Variants in AATF observed in about 807,000 individuals in gnomAD.
The protein encoded by AATF is protein AATF.
Under a neutral mutation model 63.7 loss-of-function variants are expected in AATF, and 48 were observed. The observed-to-expected ratio is 0.75, with a 90% CI of 0.60 to 0.96. The LOEUF is 0.96. Ranked by LOEUF, AATF falls within the 40% of genes least tolerant of loss-of-function variation. The probability of loss-of-function intolerance (pLI) is 0.00; values close to 1 mark genes in which losing one functional copy is unlikely to be tolerated. For missense variants in AATF, 639 were observed against 685.7 expected, an observed-to-expected ratio of 0.93 and a Z score of 0.76; for synonymous variants, 258 against 247.7, an observed-to-expected ratio of 1.04 and a Z score of -0.39.
intron 8 of AATF, among the ~76,000 whole-genome samples, chr17:36,995,264 T>C (rs1382269124): frequency 3.9e-5 from 6 of 152,244 alleles, no homozygotes; most frequent in African/African-American, 1.4e-4. Context: ...CATCAGGACA[T>C]GTCTATAACT....
intron 10 of AATF, among the ~76,000 whole-genome samples, chr17:37,025,471 A>C (rs1252137256): frequency 6.6e-6 from 1 of 152,140 alleles, no homozygotes; most frequent in Non-Finnish European, 1.5e-5. Flanking sequence ...CCCATAAAGA[A>C]TGCTGAGGAA....
At chr17:36,987,172 G>A (rs1044407274) in intron 5 of AATF, among the ~76,000 whole-genome samples, 1 of 56,656 alleles carries the variant, frequency 1.8e-5, no homozygotes, top group African/African-American at 7.5e-5. Context: ...TTTTTTTTTT[G>A]TAGAGACAGG....
At chr17:36,950,120 A>G (rs1348683418) in intron 1 of AATF, 94 bp from the exon 2 acceptor site, 2 of 1,365,828 alleles carry the variant, frequency 1.5e-6, no homozygotes, top group Admixed American at 4.1e-5. Flanking sequence ...TTCGTAAAGG[A>G]CGTTCAACTA....
intron 11 of AATF, chr17:37,033,670 A>G (rs1395069685): frequency 1.3e-5 from 2 of 154,758 alleles, no homozygotes; most frequent in Non-Finnish European, 2.9e-5. Flanking sequence ...GCATAAGGAA[A>G]TGGAAGTTCA....
At chr17:37,022,012 T>C (rs1464933083) in intron 10 of AATF, among the ~76,000 whole-genome samples, 1 of 151,834 alleles carries the variant, frequency 6.6e-6, no homozygotes, top group African/African-American at 2.4e-5. Flanking sequence ...TTTAGGAAAA[T>C]CCTCCCCTGT....
chr17:37,017,392 T>C (rs1333175355), intron 8 of AATF, among the ~76,000 whole-genome samples: 1 of 152,140 alleles, frequency 6.6e-6, no homozygotes, highest in South Asian at 2.1e-4. Context: ...GAATATTGAC[T>C]AGGAACCAGA....
intron 8 of AATF, among the ~76,000 whole-genome samples, chr17:37,002,456 A>G (rs1402425928): frequency 6.6e-6 from 1 of 151,782 alleles, no homozygotes; most frequent in Non-Finnish European, 1.5e-5. Flanking sequence ...TCACAAGGTC[A>G]GGAGATTGAG....
At chr17:36,959,721 C>T (rs1220798185) in intron 4 of AATF, among the ~76,000 whole-genome samples, 1 of 152,080 alleles carries the variant, frequency 6.6e-6, no homozygotes, top group Non-Finnish European at 1.5e-5. Context: ...CTGCAGTGAG[C>T]ACCATGTTTC....
rs929458744 is a variant in AATF, at chr17:37,032,350, C to T, written c.1619+665C>T. Among the ~76,000 whole-genome samples the T allele has an allele frequency of 5.9e-5, 9 of 151,918 alleles. No homozygotes were observed. The East Asian group carries it at 1.7e-3, about 29-fold the overall frequency. On this transcript the variant is annotated intron_variant, in intron 11 of 11. Coordinates refer to ENST00000619387, the MANE Select transcript of AATF (RefSeq NM_012138.4). ...TGTTTATTTTGATATTAAAATTGTCCCAGATAGTGGAAGTGCCGTCAAACT... is the reference window on the plus strand; with the variant it reads ...TGTTTATTTTGATATTAAAATTGTCTCAGATAGTGGAAGTGCCGTCAAACT...
At chr17:37,007,314 A>G (rs1000789039) in intron 8 of AATF, among the ~76,000 whole-genome samples, 1 of 151,338 alleles carries the variant, frequency 6.6e-6, no homozygotes, top group African/African-American at 2.4e-5. Context: ...CAGCCTCCTA[A>G]GTAGCTAGGA....
At chr17:36,973,116 C>CT (rs1210106719) in intron 4 of AATF, among the ~76,000 whole-genome samples, 1 of 140,772 alleles carries the variant, frequency 7.1e-6, no homozygotes, top group East Asian at 2.0e-4. Flanking sequence ...TTTTTCTTTT[C>CT]TTCTTTCTTT....
intron 4 of AATF, among the ~76,000 whole-genome samples, chr17:36,962,934 A>G (rs528993865): frequency 2.6e-5 from 4 of 152,150 alleles, no homozygotes; most frequent in Non-Finnish European, 4.4e-5. Context: ...CCAGTTCAAC[A>G]TGGTGAAATC....
At chr17:36,968,266 C>CTTTTTTTTTTTTTTTTTTTTT (rs2071009164) in intron 4 of AATF, among the ~76,000 whole-genome samples, 3 of 75,580 alleles carry the variant, frequency 4.0e-5, no homozygotes, top group African/African-American at 1.6e-4. Flanking sequence ...TTCTTTCCTT[C>CTTTTTTTTTTTTTTTTTTTTT]TTTCTTTTTT....
intron 8 of AATF, among the ~76,000 whole-genome samples, chr17:37,009,766 G>A (rs1370016883): frequency 2.1e-5 from 3 of 140,918 alleles, no homozygotes; most frequent in Non-Finnish European, 3.0e-5. Context: ...GCGGTGAGCC[G>A]AGATTGCGCC....
rs1245497469 is a variant in AATF, at chr17:36,950,269, T to C, written c.147T>C (p.Asp49=). Residue 49 remains aspartate, a synonymous_variant, in exon 2 of 12, where the codon GAT becomes GAC. Coordinates refer to ENST00000619387, the MANE Select transcript of AATF (RefSeq NM_012138.4). ...ATGAAGGGGAAGATGGGGAAGGTGA[T>C]TTCCTAGTAGTGGGTAGCATTAGAA... The part of the protein sequence containing the change: ...RFDEGEDGEG[D]FLVVGSIRKL... The C allele has an allele frequency of 3.1e-6, 5 of 1,614,104 alleles. No homozygotes were observed. In the East Asian group the frequency reaches 1.1e-4, roughly 36 times the overall value.
chr17:37,029,665 A>T (rs779613433), intron 10 of AATF, among the ~76,000 whole-genome samples: 1 of 152,148 alleles, frequency 6.6e-6, no homozygotes, highest in African/African-American at 2.4e-5. Flanking sequence ...TCCCGGGTTC[A>T]AGGGTTTCTC....
rs1239589230 is a variant in AATF, at chr17:37,009,212, A to G, written c.1399-9793A>G. Reference sequence around the variant, plus strand: ...AGTGGCGCGATCTCGGCTCACTGCAACCTCCACCTCCTGGGTTCAAGTGAT... The same window carrying G: ...AGTGGCGCGATCTCGGCTCACTGCAGCCTCCACCTCCTGGGTTCAAGTGAT... On this transcript the variant is annotated intron_variant, in intron 8 of 11. Coordinates refer to ENST00000619387, the MANE Select transcript of AATF (RefSeq NM_012138.4). 5.9e-5 allele frequency among the ~76,000 whole-genome samples: 9 copies of G among 151,616 alleles called. No individual in the cohort carries two copies. In the East Asian group the frequency reaches 1.8e-3, roughly 30 times the overall value.
At chr17:36,974,863 CT>C (rs1459864152) in intron 4 of AATF, among the ~76,000 whole-genome samples, 2 of 152,172 alleles carry the variant, frequency 1.3e-5, no homozygotes, top group African/African-American at 4.8e-5. Context: ...TAATGCCACT[CT>C]AATTCTCCTT....
intron 2 of AATF, 70 bp downstream of exon 2, chr17:36,950,475 C>T (rs569868158): frequency 2.1e-6 from 3 of 1,421,060 alleles, no homozygotes; most frequent in Non-Finnish European, 2.9e-6. Flanking sequence ...CTCCGGTCAT[C>T]CCCCATGATC....
Sources: gnomAD v4.1 joint callset for allele counts (sites outside exome capture counted in the v4.1 genomes callset) on GRCh38, gnomAD v4.1.1 for gene constraint, MANE v1.5 for transcripts, NCBI Gene and HGNC (gene_info 2026-07-23, HGNC 2026-07-21) for gene names.